ZNF562: variants seen among roughly 807,000 people sequenced by gnomAD.
The protein encoded by ZNF562 is zinc finger protein 562.
ZNF562 carries 13 observed loss-of-function variants against 17.5 expected under a neutral mutation model. That is an observed-to-expected ratio of 0.74 (90% CI 0.48 to 1.18). The LOEUF is 1.18. ZNF562 is among the 50% of genes most tolerant of loss of function. The pLI is 0.00. For missense variants in ZNF562, 481 were observed against 498.5 expected (o/e 0.96, Z 0.33); for synonymous variants, 163 against 165.4 (o/e 0.99, Z 0.11).
chr19:9,660,088 CAAAAAAAAAAAAA>C (rs1175978470), intron 2 of ZNF562, among the ~76,000 whole-genome samples: 2 of 48,278 alleles, frequency 4.1e-5, no homozygotes, highest in Non-Finnish European at 4.3e-5. Context: ...GACTCCATCT[CAAAAAAAAAAAAA>C]AAAAAAAAAA....
chr19:9,663,461 C>G (rs2043834257), intron 1 of ZNF562, among the ~76,000 whole-genome samples: 1 of 151,446 alleles, frequency 6.6e-6, no homozygotes, highest in Non-Finnish European at 1.5e-5. Flanking sequence ...TCACTCCACA[C>G]CATTGCCTCC....
intron 5 of ZNF562, among the ~76,000 whole-genome samples, chr19:9,654,112 T>C (rs1383855235): frequency 6.6e-6 from 1 of 151,690 alleles, no homozygotes; most frequent in Non-Finnish European, 1.5e-5. Context: ...TGCCTCAGCC[T>C]CCCGAGTAGC....
chr19:9,655,369 C>T (rs918333588), intron 5 of ZNF562, among the ~76,000 whole-genome samples: 2 of 152,114 alleles, frequency 1.3e-5, no homozygotes, highest in Non-Finnish European at 2.9e-5. Flanking sequence ...CGGTATTTTT[C>T]AGTGACAAGT....
rs867648022 is a variant in ZNF562, at chr19:9,649,024, G to C, written c.*3925C>G. On this transcript the variant is annotated 3_prime_UTR_variant, in exon 6 of 6. Transcript: ENST00000453372. ...TTGCAGGAAGTCAGGGACCCCAAAC[G>C]GGGGGACTGGCTGAAGCCATGGCAG... 2.0e-5 allele frequency: 3 copies of C among 152,204 alleles called. No homozygotes were observed. The highest frequency in any genetic ancestry group is 7.2e-5 in the African/African-American group (3 of 41,434). The allele number at this position is 152,204 out of a possible 1,614,324, so 9.4% of individuals were successfully genotyped here.
At chr19:9,673,948 A>C (rs1329477800) in intron 1 of ZNF562, among the ~76,000 whole-genome samples, 2 of 152,210 alleles carry the variant, frequency 1.3e-5, no homozygotes, top group Non-Finnish European at 2.9e-5. Flanking sequence ...ATGCCACAAA[A>C]AAAAAGCACT....
chr19:9,657,019 G>A (rs998608160), intron 4 of ZNF562, among the ~76,000 whole-genome samples: 3 of 148,634 alleles, frequency 2.0e-5, no homozygotes, highest in African/African-American at 7.4e-5. Flanking sequence ...CAGCCTGGGT[G>A]ACAGAACGAG....
intron 4 of ZNF562, among the ~76,000 whole-genome samples, chr19:9,657,008 C>A (rs1195393307): frequency 1.3e-5 from 2 of 150,106 alleles, no homozygotes; most frequent in Non-Finnish European, 3.0e-5. Context: ...CCACTGCACT[C>A]CAGCCTGGGT....
At chr19:9,656,871 A>AAAATATATATAT (rs376933513) in intron 4 of ZNF562, among the ~76,000 whole-genome samples, 125 of 142,442 alleles carry the variant, frequency 8.8e-4, no homozygotes, top group African/African-American at 2.8e-3. Flanking sequence ...AAAATACAAA[A>AAAATATATATAT]ATATATATAT....
intron 1 of ZNF562, among the ~76,000 whole-genome samples, chr19:9,669,264 A>G (rs2044057841): frequency 6.6e-6 from 1 of 152,190 alleles, no homozygotes. Flanking sequence ...GATAACAAAA[A>G]AAATCCGATA....
intron 1 of ZNF562, among the ~76,000 whole-genome samples, chr19:9,672,383 A>G (rs1470436834): frequency 6.6e-6 from 1 of 152,218 alleles, no homozygotes; most frequent in Non-Finnish European, 1.5e-5. Context: ...AAGGTCAAGC[A>G]TCACATGTAC....
intron 1 of ZNF562, among the ~76,000 whole-genome samples, chr19:9,661,299 ATCG>A (rs1197916534): frequency 1.3e-5 from 2 of 152,020 alleles, no homozygotes; most frequent in African/African-American, 4.8e-5. Context: ...ACAGGTGTGC[ATCG>A]TCAAGCCTTA....
chr19:9,658,431 C>T (rs1444544046), intron 3 of ZNF562: 2 of 710,818 alleles, frequency 2.8e-6, no homozygotes, highest in African/African-American at 3.9e-5. Flanking sequence ...CTCACTGCAA[C>T]CTCCACCTCC....
At chr19:9,662,642 A>G (rs2043795198) in intron 1 of ZNF562, among the ~76,000 whole-genome samples, 1 of 152,034 alleles carries the variant, frequency 6.6e-6, no homozygotes, top group Non-Finnish European at 1.5e-5. Flanking sequence ...GCACTTTGGG[A>G]GTACCAAGGT....
intron 1 of ZNF562, among the ~76,000 whole-genome samples, chr19:9,669,724 G>GCACACACA (rs1255709994): frequency 1.3e-5 from 1 of 77,980 alleles, no homozygotes; most frequent in African/African-American, 5.0e-5. Context: ...GCGAGCGCGC[G>GCACACACA]CGCGCGCGCG....
intron 5 of ZNF562, among the ~76,000 whole-genome samples, chr19:9,655,439 G>A (rs2043431412): frequency 6.6e-6 from 1 of 152,120 alleles, no homozygotes; most frequent in Non-Finnish European, 1.5e-5. Flanking sequence ...CAGAGACCCT[G>A]CTCCCTCAAG....
intron 1 of ZNF562, among the ~76,000 whole-genome samples, chr19:9,668,214 A>C (rs2044023683): frequency 6.6e-6 from 1 of 151,672 alleles, no homozygotes; most frequent in African/African-American, 2.4e-5. Flanking sequence ...AGTCTCAATT[A>C]AAAAAAAGAA....
At chr19:9,666,375 T>C (rs546104145) in intron 1 of ZNF562, among the ~76,000 whole-genome samples, 1 of 150,760 alleles carries the variant, frequency 6.6e-6, no homozygotes, top group African/African-American at 2.4e-5. Context: ...GGTTTTGGTA[T>C]GTTGACAAAC....
chr19:9,657,298 G>T (rs1016135829), intron 4 of ZNF562, among the ~76,000 whole-genome samples: 9 of 150,286 alleles, frequency 6.0e-5, no homozygotes, highest in Non-Finnish European at 1.3e-4. Context: ...GGAAGCTGAG[G>T]CAGGAGAATG....
Position 9,659,456 on chromosome 19 carries a change from T to TG in ZNF562, c.36dup (p.Arg13GlnfsTer8). 1 of 1,551,182 alleles carries TG rather than the reference T, an allele frequency of 6.4e-7. No homozygotes were observed. The highest frequency in any genetic ancestry group is 8.7e-7 in the Non-Finnish European group (1 of 1,146,816). On this transcript the variant is annotated frameshift_variant, in exon 3 of 6. Coordinates refer to ENST00000453372, the MANE Select transcript of ZNF562 (RefSeq NM_001130031.2). LOFTEE classifies it high-confidence loss of function. ...TCTTCAAAAGGACAGATTGGTTCCC[T>TG]GGGAAAAAACCCTAGTGGAAAAGTA...
Sources: allele counts gnomAD v4.1 joint callset (sites outside exome capture counted in the v4.1 genomes callset), GRCh38; gene constraint gnomAD v4.1.1; transcripts MANE v1.5; gene names NCBI Gene and HGNC (gene_info 2026-07-23, HGNC 2026-07-21).